Variants in CLIP1 observed in about 807,000 individuals in gnomAD.
CLIP1 encodes CAP-Gly domain containing linker protein 1.
A neutral mutation model predicts 161.6 loss-of-function variants in CLIP1; 66 were observed. That is an observed-to-expected ratio of 0.41 (90% CI 0.33 to 0.50). The LOEUF (loss-of-function observed/expected upper bound fraction) is 0.50, where lower values mean the gene tolerates loss of function less well. Ranked by LOEUF, CLIP1 falls within the 20% of genes least tolerant of loss-of-function variation. The probability of loss-of-function intolerance (pLI) is 0.27; values close to 1 mark genes in which losing one functional copy is unlikely to be tolerated. For synonymous variants in CLIP1, 598 were observed against 626.2 expected (o/e 0.96, Z 0.67); for missense variants, 1,376 against 1,702.0 (o/e 0.81, Z 3.37).
intron 4 of CLIP1, 146 bp from the exon 5 acceptor site, chr12:122,361,327 C>A: frequency 3.1e-6 from 2 of 652,228 alleles, no homozygotes; most frequent in Admixed American, 5.8e-5. Flanking sequence ...CAGCACGTAG[C>A]AGTCACATGT....
In CLIP1 at chr12:122,355,192, C is replaced by A. The variant is rs1953271530; in HGVS notation, c.1126G>T (p.Ala376Ser). ...QLLAERDLER[A>S]EVAKATSHVG... ...TGGCTCGTGGCCTTGGCCACCTCCG[C>A]CCTCTCCAGATCCCGTTCCGCCAGC... The change falls in exon 6 of 26, where the codon GCG becomes TCG. Residue 376 changes from alanine to serine, a missense_variant. Physicochemically the swap from Ala to Ser is moderately conservative, Grantham distance 99. Transcript: ENST00000620786. This position sits in a 1 kb window ranked among gnomAD's most constrained non-coding sequence, Gnocchi z 4.1. The A allele has an allele frequency of 6.2e-7, 1 of 1,614,134 alleles. No homozygotes were observed. Among genetic ancestry groups the A allele is most frequent in the Non-Finnish European group, 8.5e-7 (1 of 1,180,044 alleles).
intron 24 of CLIP1, chr12:122,277,846 A>T: frequency 2.0e-5 from 5 of 253,092 alleles, no homozygotes; most frequent in East Asian, 8.0e-5. Context: ...AAAAAAAAAA[A>T]GGGAGGGAAG....
intron 7 of CLIP1, among the ~76,000 whole-genome samples, chr12:122,354,097 T>A (rs574614420): frequency 6.6e-6 from 1 of 151,870 alleles, no homozygotes; most frequent in Admixed American, 6.6e-5. Context: ...TCTGAGGTCA[T>A]TGAAAATGAA....
chr12:122,272,816 G>GTGTGTCAATGCGACACACA lies in CLIP1; in HGVS notation c.*58_*59insTGTGTGTCGCATTGACACA. On this transcript the variant is annotated 3_prime_UTR_variant, in exon 26 of 26. Coordinates refer to ENST00000620786, the MANE Select transcript of CLIP1 (RefSeq NM_001247997.2). Reference sequence around the variant, plus strand: ...TGAAGTCTGCACACACAATGCTGGTGTTACGTTGTGTCAATGCGAGTGCGT... The same window carrying GTGTGTCAATGCGACACACA: ...TGAAGTCTGCACACACAATGCTGGTGTGTGTCAATGCGACACACATTACGTTGTGTCAATGCGAGTGCGT... 1 of 1,381,582 alleles carries GTGTGTCAATGCGACACACA rather than the reference G, an allele frequency of 7.2e-7. No homozygotes were observed. The allele number at this position is 1,381,582 out of a possible 1,614,324, so 85.6% of individuals were successfully genotyped here.
At chr12:122,410,112 T>C (rs2137157403) in intron 1 of CLIP1, among the ~76,000 whole-genome samples, 1 of 152,140 alleles carries the variant, frequency 6.6e-6, no homozygotes, top group Non-Finnish European at 1.5e-5. Context: ...CCTCAAGTGA[T>C]CCACCCACCT....
chr12:122,402,872 C>A lies in CLIP1; in HGVS notation c.-107+19649G>T, dbSNP rs149061334. ...CGTAAAATTATTAACATTTTACATT[C>A]TTTTTTCATAATAGATCTTTGAAAT... On this transcript the variant is annotated intron_variant, in intron 1 of 25. Transcript: ENST00000620786. Among the ~76,000 whole-genome samples the A allele has an allele frequency of 1.6e-4, 25 of 152,260 alleles. No homozygotes were observed. In the East Asian group the frequency reaches 4.8e-3, roughly 29 times the overall value.
At chr12:122,321,505 G>A (rs192057396) in intron 17 of CLIP1, among the ~76,000 whole-genome samples, 322 of 150,704 alleles carry the variant, frequency 2.1e-3, no homozygotes, top group African/African-American at 7.1e-3. Context: ...CTCAGCCCCC[G>A]TGAGCCACCA....
chr12:122,319,366 C>T lies in CLIP1; in HGVS notation c.3250-18G>A, dbSNP rs769205878. The T allele has an allele frequency of 5.0e-6, 8 of 1,589,388 alleles. No individual in the cohort carries two copies. Among genetic ancestry groups the T allele is most frequent in the Non-Finnish European group, 6.9e-6 (8 of 1,157,854 alleles). On this transcript the variant is annotated intron_variant, in intron 17 of 25. Transcript: ENST00000620786. ...TGAGCAGCCTAAATACAAGGAAACA[C>T]TGTGAGAAATGAGGACAGCCCTCGC...
intron 1 of CLIP1, among the ~76,000 whole-genome samples, chr12:122,419,926 C>CAAAAA (rs5801469): frequency 2.5e-5 from 2 of 79,808 alleles, no homozygotes; most frequent in Non-Finnish European, 4.3e-5. Flanking sequence ...GACTCTGTCT[C>CAAAAA]AAAAAAAAAA....
chr12:122,307,000 T>C (rs1950898792), intron 20 of CLIP1, among the ~76,000 whole-genome samples: 1 of 58,024 alleles, frequency 1.7e-5, no homozygotes, highest in African/African-American at 6.4e-5. Context: ...TAAGTTCACT[T>C]TTTTTTTTTT....
chr12:122,397,637 T>C (rs975287845), intron 1 of CLIP1, among the ~76,000 whole-genome samples: 6 of 146,744 alleles, frequency 4.1e-5, no homozygotes, highest in African/African-American at 1.5e-4. Context: ...TCAGTAAATA[T>C]GTATCCTAAA....
chr12:122,395,480 G>C (rs1955877455), intron 1 of CLIP1: 1 of 152,190 alleles, frequency 6.6e-6, no homozygotes, highest in African/African-American at 2.4e-5. Flanking sequence ...ATGAGGTCAT[G>C]ACAATGACCT....
intron 3 of CLIP1, chr12:122,365,551 A>G: frequency 2.6e-6 from 3 of 1,150,028 alleles, no homozygotes; most frequent in Non-Finnish European, 3.9e-6. Flanking sequence ...AGCCTGCTCC[A>G]CCCAGAGAAG....
At chr12:122,374,369 C>T (rs1566190150) in intron 3 of CLIP1, among the ~76,000 whole-genome samples, 1 of 151,450 alleles carries the variant, frequency 6.6e-6, no homozygotes, top group Non-Finnish European at 1.5e-5. Context: ...ACCTGTAATC[C>T]CAGCAGTTTG....
At chr12:122,328,722 C>A (rs1419738855) in intron 15 of CLIP1, among the ~76,000 whole-genome samples, 2 of 152,150 alleles carry the variant, frequency 1.3e-5, no homozygotes, top group Admixed American at 1.3e-4. Flanking sequence ...GCTGGGACTA[C>A]AGGCACCTGC....
At chr12:122,374,114 G>C (rs1266271144) in intron 3 of CLIP1, among the ~76,000 whole-genome samples, 1 of 152,014 alleles carries the variant, frequency 6.6e-6, no homozygotes, top group Non-Finnish European at 1.5e-5. Context: ...AAGGAGAGCG[G>C]ATCACGAGGT....
At chr12:122,397,511 C>A (rs1029323836) in intron 1 of CLIP1, among the ~76,000 whole-genome samples, 3 of 132,652 alleles carry the variant, frequency 2.3e-5, no homozygotes, top group Admixed American at 1.8e-4. Flanking sequence ...CAAGATCACA[C>A]CACTGCCCTC....
intron 3 of CLIP1, among the ~76,000 whole-genome samples, chr12:122,373,535 A>C (rs78154556): frequency 1.3e-5 from 2 of 151,982 alleles, no homozygotes; most frequent in Admixed American, 6.6e-5. Context: ...AAAAAAAAAA[A>C]CTTACCAGGA....
intron 1 of CLIP1, among the ~76,000 whole-genome samples, chr12:122,389,616 G>A (rs1446457112): frequency 2.0e-5 from 3 of 151,870 alleles, no homozygotes; most frequent in East Asian, 1.9e-4. Flanking sequence ...AAAATTAGCC[G>A]GGCGTGGTGG....
Sources: allele counts gnomAD v4.1 joint callset (sites outside exome capture counted in the v4.1 genomes callset), GRCh38; gene constraint gnomAD v4.1.1; non-coding constraint Gnocchi (gnomAD v3.1); transcripts MANE v1.5; gene names NCBI Gene and HGNC (gene_info 2026-07-23, HGNC 2026-07-21).